The following NRG1 variants were observed in gnomAD, a reference collection of about 807,000 sequenced individuals.
NRG1 encodes the protein neuregulin 1.
NRG1 carries 18 observed loss-of-function variants against 63.8 expected under a neutral mutation model. The ratio of observed to expected loss-of-function variants is 0.28; its 90% confidence interval spans 0.19 to 0.42. NRG1 has a LOEUF of 0.42. Ranked by LOEUF, NRG1 falls within the 10% of genes least tolerant of loss-of-function variation. NRG1 has a pLI of 1.00. For synonymous variants in NRG1, 302 were observed against 301.3 expected (o/e 1.00, Z -0.02); for missense variants, 762 against 814.7 (o/e 0.94, Z 0.79).
chr8:32,264,372 GA>G (rs1374908802), intron 1 of NRG1, among the ~76,000 whole-genome samples: 3 of 151,984 alleles, frequency 2.0e-5, no homozygotes, highest in African/African-American at 4.8e-5. Flanking sequence ...AAAAAAGAAA[GA>G]AAACATTAAA....
At chr8:32,377,723 C>G (rs1414844572) in intron 1 of NRG1, among the ~76,000 whole-genome samples, 1 of 152,090 alleles carries the variant, frequency 6.6e-6, no homozygotes, top group Non-Finnish European at 1.5e-5. Context: ...CCAATTTCAC[C>G]CAGTATCTGA....
Position 32,493,207 on chromosome 8 carries a change from C to T in NRG1, c.38-102621C>T, listed in dbSNP as rs554124791. 2.6e-5 allele frequency among the ~76,000 whole-genome samples: 4 copies of T among 152,184 alleles called. No homozygotes were observed. The South Asian group carries it at 6.3e-4, about 24-fold the overall frequency. ...AACCAGAGCCTCTTTTCTTGTTAAT[C>T]TCCTAAGACAGCAGACTAGTGACTC... On this transcript the variant is annotated intron_variant, in intron 1 of 10. Coordinates refer to the NRG1 transcript ENST00000519301.
chr8:31,841,862 G>C (rs1478757097), intron 1 of NRG1, among the ~76,000 whole-genome samples: 1 of 152,054 alleles, frequency 6.6e-6, no homozygotes, highest in Non-Finnish European at 1.5e-5. Context: ...ATAACATCAG[G>C]CTGCAGAGTT....
intron 1 of NRG1, among the ~76,000 whole-genome samples, chr8:31,999,825 A>G (rs1245206747): frequency 6.6e-6 from 1 of 152,004 alleles, no homozygotes; most frequent in Non-Finnish European, 1.5e-5. Context: ...ATTAAAGGCC[A>G]TACATTTTGT....
chr8:32,423,568 C>T lies in NRG1; in HGVS notation c.38-172260C>T, dbSNP rs139763054. ...GCTAAGGTGGGAGGATTGCTTGAGC[C>T]CCAGGAAGTGGAGGCTGCAGTGAGC... is the stretch of plus-strand genomic sequence containing the variant. On this transcript the variant is annotated intron_variant, in intron 1 of 10. Transcript: ENST00000519301. Among the ~76,000 whole-genome samples the T allele has an allele frequency of 5.5e-4, 83 of 152,098 alleles. No individual in the cohort carries two copies. In the East Asian group the frequency reaches 0.015, roughly 27 times the overall value.
chr8:32,670,945 A>T (rs1172413282), intron 5 of NRG1, among the ~76,000 whole-genome samples: 4 of 152,190 alleles, frequency 2.6e-5, no homozygotes, highest in Non-Finnish European at 5.9e-5. Context: ...AATAATATTA[A>T]TAAAGTAAAT....
At chr8:31,796,406 C>T (rs997958676) in intron 1 of NRG1, among the ~76,000 whole-genome samples, 5 of 117,660 alleles carry the variant, frequency 4.2e-5, no homozygotes, top group South Asian at 3.0e-4. Context: ...AATAAGATGG[C>T]GTATAATCTT....
intron 1 of NRG1, among the ~76,000 whole-genome samples, chr8:32,501,638 C>T (rs2129496797): frequency 6.6e-6 from 1 of 152,110 alleles, no homozygotes; most frequent in African/African-American, 2.4e-5. Flanking sequence ...ATCTATTTAA[C>T]CAAAGTGACA....
chr8:32,387,437 C>T (rs2129483736), intron 1 of NRG1, among the ~76,000 whole-genome samples: 1 of 152,294 alleles, frequency 6.6e-6, no homozygotes, highest in South Asian at 2.1e-4. Context: ...AAGGTATACA[C>T]AATAACTCTG....
chr8:32,080,572 G>A (rs762355387), intron 1 of NRG1, among the ~76,000 whole-genome samples: 24 of 152,158 alleles, frequency 1.6e-4, no homozygotes, highest in Non-Finnish European at 2.8e-4. Flanking sequence ...CTATATAAGA[G>A]AGGCTCCTTC....
intron 7 of NRG1, among the ~76,000 whole-genome samples, chr8:32,748,333 G>A (rs4733374): frequency 5.4e-5 from 5 of 92,162 alleles, no homozygotes; most frequent in African/African-American, 1.7e-4. Context: ...GTACACGCGC[G>A]CGCGCGCACA....
intron 1 of NRG1, among the ~76,000 whole-genome samples, chr8:32,559,882 C>T (rs959442164): frequency 1.3e-5 from 2 of 151,458 alleles, no homozygotes; most frequent in Admixed American, 1.3e-4. Flanking sequence ...ATTAGCCAGG[C>T]ATGGTGGGAT....
At chr8:32,648,011 A>G in intron 5 of NRG1, 1 of 1,614,036 alleles carries the variant, frequency 6.2e-7, no homozygotes, top group Non-Finnish European at 8.5e-7. Flanking sequence ...TCAAGTGGGT[A>G]TTTGTGGACA....
At chr8:31,945,531 G>A (rs576660095) in intron 1 of NRG1, among the ~76,000 whole-genome samples, 3 of 152,226 alleles carry the variant, frequency 2.0e-5, no homozygotes, top group African/African-American at 4.8e-5. Context: ...AAATATGTGC[G>A]CCCCTTTTTA....
chr8:32,397,661 A>G (rs1405178366), intron 1 of NRG1, among the ~76,000 whole-genome samples: 1 of 152,146 alleles, frequency 6.6e-6, no homozygotes, highest in Non-Finnish European at 1.5e-5. Flanking sequence ...GACCATCACT[A>G]TATTCATTTA....
At chr8:32,128,789 C>A (rs952150414) in intron 1 of NRG1, among the ~76,000 whole-genome samples, 1 of 152,050 alleles carries the variant, frequency 6.6e-6, no homozygotes, top group Non-Finnish European at 1.5e-5. Context: ...CCTTAAGAAA[C>A]TGTCAAAGCC....
chr8:32,608,092 G>GTTTTGTTTTTTTTTTT (rs1845594606), intron 3 of NRG1, among the ~76,000 whole-genome samples: 7 of 106,146 alleles, frequency 6.6e-5, no homozygotes, highest in Non-Finnish European at 9.9e-5. Context: ...GGTTTTTTTT[G>GTTTTGTTTTTTTTTTT]TTTTTTTTTT....
chr8:31,646,642 T>G (rs1397520042), intron 1 of NRG1, among the ~76,000 whole-genome samples: 2 of 152,212 alleles, frequency 1.3e-5, no homozygotes, highest in Non-Finnish European at 2.9e-5. Flanking sequence ...GTTGGTAAAT[T>G]TTTTTGGCCT....
chr8:32,307,326 A>G (rs756788082), intron 1 of NRG1, among the ~76,000 whole-genome samples: 4 of 152,130 alleles, frequency 2.6e-5, no homozygotes, highest in Non-Finnish European at 5.9e-5. Context: ...TCTCCTGAAA[A>G]TCTGGGGCCT....
Sources: allele counts gnomAD v4.1 joint callset (sites outside exome capture counted in the v4.1 genomes callset), GRCh38; gene constraint gnomAD v4.1.1; transcripts MANE v1.5; gene names NCBI Gene and HGNC (gene_info 2026-07-23, HGNC 2026-07-21).